Variants in CATSPERE observed in about 807,000 individuals in gnomAD.
The protein encoded by CATSPERE is cation channel sperm-associated auxiliary subunit epsilon.
In CATSPERE, 93 loss-of-function variants were observed where a neutral mutation model predicts 114.1. The observed-to-expected ratio is 0.81, with a 90% confidence interval of 0.69 to 0.97. The LOEUF (loss-of-function observed/expected upper bound fraction) is 0.97. CATSPERE is among the 50% of genes least tolerant of loss of function. CATSPERE has a pLI of 0.00. For synonymous variants in CATSPERE, 341 were observed against 384.1 expected (o/e 0.89, Z 1.31); for missense variants, 1,058 against 1,131.6 (o/e 0.93, Z 0.93).
intron 5 of CATSPERE, among the ~76,000 whole-genome samples, chr1:244,489,450 A>AT (rs10524749): frequency 0.14 from 11,918 of 85,136 alleles, 1,709 homozygotes; most frequent in Non-Finnish European, 0.17. Context: ...AAGCATGCAG[A>AT]TTTTTTTTTT....
At chr1:244,458,015 T>C (rs112208207), upstream of CATSPERE, among the ~76,000 whole-genome samples, 592 of 152,298 alleles carry the variant, frequency 3.9e-3, 5 homozygotes, top group African/African-American at 0.014. Context: ...TCTTTGTCAA[T>C]TGTGCCTTTA....
intron 9 of CATSPERE, among the ~76,000 whole-genome samples, chr1:244,553,567 C>T (rs566593837): frequency 8.8e-5 from 10 of 113,970 alleles, no homozygotes; most frequent in South Asian, 8.5e-4. Flanking sequence ...GGCGACAGAG[C>T]GAGACCCCGT....
chr1:244,522,567 A>C (rs1349912894), intron 8 of CATSPERE, among the ~76,000 whole-genome samples: 1 of 152,222 alleles, frequency 6.6e-6, no homozygotes, highest in Non-Finnish European at 1.5e-5. Flanking sequence ...GAAAGGATCA[A>C]CAAAATTGAT....
At chr1:244,466,047 A>C (rs560026878) in intron 2 of CATSPERE, among the ~76,000 whole-genome samples, 1 of 152,344 alleles carries the variant, frequency 6.6e-6, no homozygotes, top group Admixed American at 6.5e-5. Flanking sequence ...AGTGATACTT[A>C]TAGTGAATTG....
intron 5 of CATSPERE, among the ~76,000 whole-genome samples, chr1:244,483,997 A>G (rs1418784678): frequency 6.6e-6 from 1 of 152,174 alleles, no homozygotes. Flanking sequence ...AGCTTAGAAT[A>G]GGAATTCACT....
rs58602830 is a variant in CATSPERE at position 244,477,592 on chromosome 1, A to T, written c.166A>T (p.Thr56Ser). The T allele has an allele frequency of 1.9e-3, 2,976 of 1,599,158 alleles. 53 individuals are homozygous for T. The African/African-American group carries it at 0.033, about 17-fold the overall frequency. Residue 56 changes from threonine to serine, a missense_variant, in exon 3 of 22, where the codon ACT (threonine) becomes TCT (serine). Physicochemically the swap from Thr to Ser is moderately conservative, Grantham distance 58 (BLOSUM62 1). This residue lies in a region of CATSPERE where 271 missense variants were observed against 225.9 expected (regional missense o/e 1.20). Coordinates refer to ENST00000366534, the MANE Select transcript of CATSPERE (RefSeq NM_001130957.2). The part of the protein sequence containing the change: ...TLFTEWSVPE[T>S]CFVLNKSSPT... Reference sequence around the variant, plus strand: ...ATTTACTGAGTGGAGTGTGCCAGAAACTTGTTTTGTGCTAAATAAAAGGTA... The same window carrying T: ...ATTTACTGAGTGGAGTGTGCCAGAATCTTGTTTTGTGCTAAATAAAAGGTA...
chr1:244,526,302 G>C (rs1050357157), intron 8 of CATSPERE, among the ~76,000 whole-genome samples: 38 of 152,028 alleles, frequency 2.5e-4, no homozygotes, highest in African/African-American at 7.7e-4. Flanking sequence ...TCAGCTACTG[G>C]GGAGGCTGAG....
intron 2 of CATSPERE, among the ~76,000 whole-genome samples, chr1:244,473,816 T>C (rs964465871): frequency 6.6e-6 from 1 of 152,128 alleles, no homozygotes; most frequent in African/African-American, 2.4e-5. Context: ...ATATAACATA[T>C]CTTTGGTCTC....
chr1:244,531,085 A>AAAAG lies in CATSPERE; in HGVS notation c.536+12390_536+12391insGAAA, dbSNP rs1553343245. On this transcript the variant is annotated intron_variant, in intron 8 of 21. Coordinates refer to ENST00000366534, the MANE Select transcript of CATSPERE (RefSeq NM_001130957.2). Reference sequence around the variant, plus strand: ...TCTACTAAAAATAAAAAAAATTTAAAAAAAGCCGGGTGTGGTGGCATGTGC... The same window carrying AAAAG: ...TCTACTAAAAATAAAAAAAATTTAAAAAAGAAAAGCCGGGTGTGGTGGCATGTGC... Among the ~76,000 whole-genome samples, 1,314 of 151,776 alleles carry AAAAG rather than the reference A, an allele frequency of 8.7e-3. 31 individuals are homozygous for AAAAG. The highest frequency in any genetic ancestry group is 0.03 in the African/African-American group (1,251 of 41,362).
chr1:244,478,046 C>A, intron 4 of CATSPERE, 71 bp downstream of exon 4: 1 of 1,217,168 alleles, frequency 8.2e-7, no homozygotes, highest in Non-Finnish European at 1.2e-6. Context: ...TTTTATTTTG[C>A]CTTTCTTTTG....
At chr1:244,549,726 G>T (rs953112405) in intron 8 of CATSPERE, among the ~76,000 whole-genome samples, 1 of 152,100 alleles carries the variant, frequency 6.6e-6, no homozygotes, top group Admixed American at 6.6e-5. Flanking sequence ...ATGCTTATGG[G>T]TGCCAAGTTG....
intron 1 of CATSPERE, among the ~76,000 whole-genome samples, chr1:244,462,085 G>A (rs1666911616): frequency 6.6e-6 from 1 of 152,178 alleles, no homozygotes; most frequent in African/African-American, 2.4e-5. Context: ...CCAAAGTGCT[G>A]TAATTACAGA....
chr1:244,599,429 A>G (rs550655777), intron 17 of CATSPERE, among the ~76,000 whole-genome samples: 125 of 152,184 alleles, frequency 8.2e-4, no homozygotes, highest in African/African-American at 2.9e-3. Flanking sequence ...TCTCTCTCTC[A>G]TACACCCTAC....
At chr1:244,461,540 C>A in intron 1 of CATSPERE, 46 bp downstream of exon 1, 1 of 1,259,724 alleles carries the variant, frequency 7.9e-7, no homozygotes, top group African/African-American at 1.5e-5. Context: ...GGGGATTACC[C>A]CCGGCGGGGC....
At chr1:244,451,885 C>T (rs1438399666), upstream of CATSPERE, 2 of 1,406,032 alleles carry the variant, frequency 1.4e-6, no homozygotes, top group African/African-American at 3.0e-5. The surrounding 1 kb of genome is among the most constrained non-coding windows in gnomAD (Gnocchi z 6.6). Flanking sequence ...CTGAACTGCT[C>T]TGCGGCCGCC....
chr1:244,500,401 A>G (rs527446631), intron 7 of CATSPERE, among the ~76,000 whole-genome samples: 78 of 152,230 alleles, frequency 5.1e-4, no homozygotes, highest in African/African-American at 1.8e-3. Context: ...TTGGTGTTTT[A>G]GTCATGAAGT....
chr1:244,491,505 A>G (rs1338263594), intron 6 of CATSPERE, among the ~76,000 whole-genome samples: 1 of 152,212 alleles, frequency 6.6e-6, no homozygotes, highest in Non-Finnish European at 1.5e-5. Context: ...AAGATCCAAA[A>G]TCGACACCCT....
At chr1:244,585,295 G>T (rs1191815093) in intron 13 of CATSPERE, among the ~76,000 whole-genome samples, 1 of 152,160 alleles carries the variant, frequency 6.6e-6, no homozygotes. Context: ...CCAAAGCAAT[G>T]CCTATTACAT....
intron 7 of CATSPERE, among the ~76,000 whole-genome samples, chr1:244,500,477 G>A (rs1210134555): frequency 6.6e-6 from 1 of 152,064 alleles, no homozygotes; most frequent in African/African-American, 2.4e-5. Context: ...TATGGTTTTA[G>A]GTTTTACATT....
Sources: gnomAD v4.1 joint callset for allele counts (sites outside exome capture counted in the v4.1 genomes callset) on GRCh38, gnomAD v4.1.1 for gene constraint, gnomAD v4.1.1 regional missense constraint, Gnocchi (gnomAD v3.1) non-coding constraint, MANE v1.5 for transcripts, NCBI Gene and HGNC (gene_info 2026-07-23, HGNC 2026-07-21) for gene names.